Variants in EYS observed in about 807,000 individuals in gnomAD.
The protein encoded by EYS is protein eyes shut homolog.
Under a neutral mutation model 282.1 loss-of-function variants are expected in EYS, and 250 were observed. The observed-to-expected ratio is 0.89, with a 90% CI of 0.80 to 0.98. The LOEUF (loss-of-function observed/expected upper bound fraction) is 0.98, where lower values mean the gene tolerates loss of function less well. EYS is among the 50% of genes least tolerant of loss of function. The probability of loss-of-function intolerance (pLI) is 0.00; values close to 1 mark genes in which losing one functional copy is unlikely to be tolerated. For missense variants in EYS, 4,016 were observed against 3,709.0 expected (o/e 1.08, Z -2.15); for synonymous variants, 1,355 against 1,282.9 (o/e 1.06, Z -1.20).
At chr6:64,693,195 T>A (rs9445156) in intron 22 of EYS, among the ~76,000 whole-genome samples, 5,816 of 151,824 alleles carry the variant, frequency 0.038, 390 homozygotes, top group African/African-American at 0.13. Context: ...AATATTATCA[T>A]GTTCGTTAAT....
intron 22 of EYS, among the ~76,000 whole-genome samples, chr6:64,746,419 C>T (rs1042756847): frequency 6.6e-6 from 1 of 151,932 alleles, no homozygotes; most frequent in Non-Finnish European, 1.5e-5. Context: ...TGATATTGGA[C>T]TTCCTAGCCT....
At chr6:64,716,680 G>T (rs929162392) in intron 22 of EYS, among the ~76,000 whole-genome samples, 1 of 152,322 alleles carries the variant, frequency 6.6e-6, no homozygotes, top group Non-Finnish European at 1.5e-5. Context: ...TAGCAATGCA[G>T]TTAGCAACTA....
intron 11 of EYS, among the ~76,000 whole-genome samples, chr6:65,299,285 AC>A (rs1768749607): frequency 6.6e-6 from 1 of 152,074 alleles, no homozygotes; most frequent in Non-Finnish European, 1.5e-5. Context: ...CCTAATAACA[AC>A]CTATTTTTGG....
At chr6:64,704,529 TATA>T (rs1265124494) in intron 22 of EYS, among the ~76,000 whole-genome samples, 1 of 81,774 alleles carries the variant, frequency 1.2e-5, no homozygotes, top group Admixed American at 1.4e-4. Context: ...TTATAATACT[TATA>T]ATAATATTAT....
At chr6:64,885,700 T>A (rs1393813235) in intron 19 of EYS, among the ~76,000 whole-genome samples, 1 of 151,840 alleles carries the variant, frequency 6.6e-6, no homozygotes, top group Admixed American at 6.6e-5. Context: ...TTTTTGTGTA[T>A]ATGAGATTTG....
At chr6:63,956,264 A>G (rs999196155) in intron 35 of EYS, among the ~76,000 whole-genome samples, 1 of 152,180 alleles carries the variant, frequency 6.6e-6, no homozygotes, top group Non-Finnish European at 1.5e-5. Context: ...TTAACTGGTG[A>G]CATTACCTTG....
intron 30 of EYS, among the ~76,000 whole-genome samples, chr6:64,251,816 G>A (rs1286959129): frequency 6.6e-6 from 1 of 152,074 alleles, no homozygotes; most frequent in Non-Finnish European, 1.5e-5. Context: ...GAGACCCACA[G>A]ACAAAGTAAG....
At chr6:63,901,874 G>A (rs1274532932) in intron 35 of EYS, among the ~76,000 whole-genome samples, 1 of 152,154 alleles carries the variant, frequency 6.6e-6, no homozygotes, top group African/African-American at 2.4e-5. Flanking sequence ...AAGCATTTCA[G>A]ATTTTGGATT....
chr6:65,381,590 G>A (rs1040816701), intron 8 of EYS, among the ~76,000 whole-genome samples: 1 of 151,860 alleles, frequency 6.6e-6, no homozygotes, highest in African/African-American at 2.4e-5. Flanking sequence ...CCAATGTAAC[G>A]AACGTTTACA....
chr6:64,612,605 T>C (rs1767148392), intron 24 of EYS, among the ~76,000 whole-genome samples: 1 of 152,060 alleles, frequency 6.6e-6, no homozygotes, highest in South Asian at 2.1e-4. Flanking sequence ...TTGTCAGAGA[T>C]TGTCATAGCT....
At chr6:64,605,966 G>T (rs917111888) in intron 24 of EYS, among the ~76,000 whole-genome samples, 3 of 152,024 alleles carry the variant, frequency 2.0e-5, no homozygotes, top group African/African-American at 4.8e-5. Flanking sequence ...TTTATTTCAT[G>T]AAACATCTTA....
At chr6:65,492,130 T>C (rs1303245181) in intron 4 of EYS, among the ~76,000 whole-genome samples, 2 of 152,230 alleles carry the variant, frequency 1.3e-5, no homozygotes, top group Non-Finnish European at 2.9e-5. Flanking sequence ...TCAATTGTTT[T>C]GACAATTCTA....
intron 41 of EYS, among the ~76,000 whole-genome samples, chr6:63,736,436 A>T (rs543088393): frequency 1.3e-5 from 2 of 151,896 alleles, no homozygotes; most frequent in African/African-American, 4.8e-5. Flanking sequence ...GTTCTGTTCC[A>T]TTGATCTATA....
At chr6:63,837,796 A>G (rs1185623008) in intron 36 of EYS, among the ~76,000 whole-genome samples, 2 of 152,160 alleles carry the variant, frequency 1.3e-5, no homozygotes, top group African/African-American at 2.4e-5. Context: ...CAACATCAAT[A>G]TCAAGATTAT....
At position 64,081,955 on chromosome 6, in the gene EYS, G is replaced by C. The variant is rs1771988039; in HGVS notation, c.6472C>G (p.Leu2158Val). 6.5e-7 allele frequency: 1 copy of C among 1,544,342 alleles called. No homozygotes were observed. The highest frequency in any genetic ancestry group is 8.8e-7 in the Non-Finnish European group (1 of 1,141,124). Residue 2158 changes from leucine (L) to valine (V), a missense_variant, in exon 32 of 43, where the codon CTG (leucine) becomes GTG (valine). Coordinates refer to ENST00000503581, the MANE Select transcript of EYS (RefSeq NM_001142800.2). ...PSFNGNSYLELPFLKFVLEKE... is the reference protein window; with the variant it reads ...PSFNGNSYLEVPFLKFVLEKE... ...TCCAGGACAAACTTCAAAAAGGGCAGTTCTAAATAGGAATTCCCATTGAAA... is the reference window on the plus strand; with the variant it reads ...TCCAGGACAAACTTCAAAAAGGGCACTTCTAAATAGGAATTCCCATTGAAA...
intron 26 of EYS, among the ~76,000 whole-genome samples, chr6:64,449,648 AG>A (rs1459314521): frequency 6.6e-6 from 1 of 152,222 alleles, no homozygotes; most frequent in East Asian, 1.9e-4. Context: ...TCAGACTAAC[AG>A]CTGATCTCTC....
At chr6:64,318,462 T>C (rs569250783) in intron 29 of EYS, among the ~76,000 whole-genome samples, 55 of 152,144 alleles carry the variant, frequency 3.6e-4, no homozygotes, top group African/African-American at 1.3e-3. Context: ...GTATACAATA[T>C]TCCAGATTTA....
At chr6:65,144,098 C>T (rs1162604788) in intron 12 of EYS, among the ~76,000 whole-genome samples, 1 of 152,066 alleles carries the variant, frequency 6.6e-6, no homozygotes, top group African/African-American at 2.4e-5. Flanking sequence ...TCACACTCCT[C>T]TCAATGCCTG....
Position 64,997,647 on chromosome 6 carries a change from G to C in EYS, c.2194C>G (p.Gln732Glu), listed in dbSNP as rs794727120. ...NPGYVGIRCE[Q>E]DIDDCILNAC... ...TTCAGGATGCAGTCATCAATGTCCTGTTCACATCTTATCCCAACATAGCCT... is the reference window on the plus strand; with the variant it reads ...TTCAGGATGCAGTCATCAATGTCCTCTTCACATCTTATCCCAACATAGCCT... The change falls in exon 14 of 43, where the codon CAG becomes GAG. Residue 732 changes from glutamine to glutamate, a missense_variant. By Grantham distance (29) the Gln-to-Glu change is conservative. Transcript: ENST00000503581. 4 of 1,551,020 alleles carry C rather than the reference G, an allele frequency of 2.6e-6. No homozygotes were observed. Among genetic ancestry groups the C allele is most frequent in the African/African-American group, 1.4e-5 (1 of 73,012 alleles).
Sources: gnomAD v4.1 joint callset for allele counts (sites outside exome capture counted in the v4.1 genomes callset) on GRCh38, gnomAD v4.1.1 for gene constraint, MANE v1.5 for transcripts, NCBI Gene and HGNC (gene_info 2026-07-23, HGNC 2026-07-21) for gene names.